Variants in HEXB observed in about 807,000 individuals in gnomAD.
HEXB encodes the protein hexosaminidase subunit beta.
Under a neutral mutation model 71.2 loss-of-function variants are expected in HEXB, and 51 were observed. That is an observed-to-expected ratio of 0.72 (90% confidence interval 0.57 to 0.90). The LOEUF is 0.90. Among genes scored for constraint, HEXB ranks in the 40% least tolerant of loss-of-function variants. The probability of loss-of-function intolerance (pLI) is 0.00; values close to 1 mark genes in which losing one functional copy is unlikely to be tolerated. For missense variants in HEXB, 617 were observed against 677.0 expected, an observed-to-expected ratio of 0.91 and a Z score of 0.98; for synonymous variants, 266 against 249.3, an observed-to-expected ratio of 1.07 and a Z score of -0.63.
At chr5:74,693,096 A>G (rs1244266522) in intron 2 of HEXB, among the ~76,000 whole-genome samples, 1 of 152,204 alleles carries the variant, frequency 6.6e-6, no homozygotes, top group Non-Finnish European at 1.5e-5. Context: ...GATGATACTG[A>G]GGGAAGGTGG....
intron 1 of HEXB, among the ~76,000 whole-genome samples, chr5:74,660,663 C>G (rs1748301654): frequency 6.6e-6 from 1 of 152,212 alleles, no homozygotes; most frequent in Admixed American, 6.5e-5. Flanking sequence ...ATCTGTTCTT[C>G]CTAGCAGCAG....
intron 1 of HEXB, among the ~76,000 whole-genome samples, chr5:74,664,585 TA>T (rs1748400737): frequency 6.6e-6 from 1 of 151,634 alleles, no homozygotes; most frequent in African/African-American, 2.4e-5. Flanking sequence ...AAATGAACTA[TA>T]AAAAAACAAA....
chr5:74,685,458 C>T lies in HEXB; in HGVS notation c.198C>T (p.Thr66=). 6.2e-7 allele frequency: 1 copy of T among 1,611,916 alleles called. No individual in the cohort carries two copies. Among genetic ancestry groups the T allele is most frequent in the South Asian group, 1.1e-5 (1 of 90,872 alleles). ...LWPLPLLVKM[T]PNLLHLAPEN... ...CCCTGCCGCTCTTGGTGAAGATGAC[C>T]CCGAACCTGCTGCATCTCGCCCCGG... The change falls in exon 1 of 14, where the codon ACC becomes ACT. Residue 66 remains threonine, a synonymous_variant. Coordinates refer to ENST00000261416, the MANE Select transcript of HEXB (RefSeq NM_000521.4).
At chr5:74,640,932 GA>G (rs1447031386) in intron 1 of HEXB, 1 of 152,552 alleles carries the variant, frequency 6.6e-6, no homozygotes, top group East Asian at 1.9e-4. Flanking sequence ...GGAAGCGGGA[GA>G]GGGGGGCTGC....
chr5:74,654,359 C>A (rs1748177659), intron 1 of HEXB, among the ~76,000 whole-genome samples: 1 of 152,134 alleles, frequency 6.6e-6, no homozygotes, highest in South Asian at 2.1e-4. Context: ...CACTGCTGGT[C>A]TGCAAAACAC....
Position 74,689,382 on chromosome 5 carries a change from C to T in HEXB, c.354C>T (p.Phe118=), listed in dbSNP as rs755175110. The change falls in exon 2 of 14, where the codon TTC becomes TTT. Residue 118 remains phenylalanine (F), a synonymous_variant. Transcript: ENST00000261416. ...AGTGGCATCATGAACCTGCTGAATT[C>T]CAGGCTAAAACCCAGGTTCAGCAAC... The part of the protein sequence containing the change: ...FYKWHHEPAE[F]QAKTQVQQLL... 5 of 1,612,064 alleles carry T rather than the reference C, an allele frequency of 3.1e-6. No individual in the cohort carries two copies. The Admixed American group carries it at 6.7e-5, about 21-fold the overall frequency.
At chr5:74,679,360 C>T (rs1246826637) in intron 1 of HEXB, among the ~76,000 whole-genome samples, 1 of 152,148 alleles carries the variant, frequency 6.6e-6, no homozygotes, top group African/African-American at 2.4e-5. Context: ...CTTCTTATGC[C>T]ATGGCAGAAA....
chr5:74,659,812 G>A (rs1220113418), intron 1 of HEXB, among the ~76,000 whole-genome samples: 1 of 152,190 alleles, frequency 6.6e-6, no homozygotes, highest in African/African-American at 2.4e-5. Flanking sequence ...GAATTTTGAT[G>A]AGAATAAATG....
At chr5:74,708,078 T>A (rs1749447763) in intron 6 of HEXB, among the ~76,000 whole-genome samples, 1 of 151,998 alleles carries the variant, frequency 6.6e-6, no homozygotes, top group African/African-American at 2.4e-5. Context: ...CCCATCAGAC[T>A]AACAGCGGAT....
At chr5:74,721,055 ATATCTTTATGAATGATATCAATCTAAAT>A (rs1238630015) in intron 13 of HEXB, 35 bp from the exon 14 acceptor site, 77 of 1,282,762 alleles carry the variant, frequency 6.0e-5, no homozygotes, top group Non-Finnish European at 8.1e-5. Flanking sequence ...TCAATCTAAA[ATATCTTTATGAATGATATCAATCTAAAT>A]CAATCTAAAA....
chr5:74,721,235 A>C lies in HEXB; in HGVS notation c.*60A>C. The stretch of plus-strand genomic sequence containing the variant: ...CTACAATCAACTTTATTTTGAAATC[A>C]TGTAAAATAAGATATTAGACTGTTT... On this transcript the variant is annotated 3_prime_UTR_variant, in exon 14 of 14. Coordinates refer to ENST00000261416, the MANE Select transcript of HEXB (RefSeq NM_000521.4). The C allele has an allele frequency of 4.7e-6, 6 of 1,285,966 alleles. No homozygotes were observed. The highest frequency in any genetic ancestry group is 6.8e-6 in the Non-Finnish European group (6 of 882,084). The allele number at this position is 1,285,966 out of a possible 1,614,324, so 79.7% of individuals were successfully genotyped here.
At chr5:74,643,522 A>G (rs971002973) in intron 1 of HEXB, among the ~76,000 whole-genome samples, 2 of 152,228 alleles carry the variant, frequency 1.3e-5, no homozygotes, top group African/African-American at 4.8e-5. Context: ...CCTTGGGAGC[A>G]GGTCTTTGCC....
chr5:74,678,382 A>G (rs1011120100), intron 1 of HEXB, among the ~76,000 whole-genome samples: 5 of 152,050 alleles, frequency 3.3e-5, no homozygotes, highest in Admixed American at 6.5e-5. Context: ...CCAGAAAGAA[A>G]TATGCAGACC....
chr5:74,667,417 C>CA (rs539301554), intron 1 of HEXB, among the ~76,000 whole-genome samples: 6,660 of 146,756 alleles, frequency 0.045, 183 homozygotes, highest in South Asian at 0.078. Context: ...AAAACTCTCT[C>CA]AAAAAAAAAA....
rs59304966 is a variant in HEXB, at chr5:74,661,503, TTCTC to T, written c.-377+20953_-377+20956del. Among the ~76,000 whole-genome samples, 285 of 110,006 alleles carry T rather than the reference TTCTC, an allele frequency of 2.6e-3. 1 individual carries two copies. The highest frequency in any genetic ancestry group is 7.4e-3 in the African/African-American group (258 of 34,678). The allele number at this position is 110,006 out of a possible 152,430, so 72.2% of individuals were successfully genotyped here. On this transcript the variant is annotated intron_variant, in intron 1 of 13. Transcript: ENST00000511181. The stretch of plus-strand genomic sequence containing the variant: ...ACAACAAAGAAGTCATGAATTCATT[TTCTC>T]TCTCTCTGTGTGTGTGTGTGTGTGT...
intron 5 of HEXB, among the ~76,000 whole-genome samples, chr5:74,705,018 G>A (rs1413888653): frequency 1.3e-5 from 2 of 151,618 alleles, no homozygotes; most frequent in African/African-American, 2.4e-5. Flanking sequence ...CTTGAGACTG[G>A]GAGGTCAAGG....
At position 74,720,492 on chromosome 5, in the gene HEXB, T is replaced by C. The variant is rs1241194558; in HGVS notation, c.1482T>C (p.Asp494=). Residue 494 remains aspartate, a synonymous_variant, in exon 12 of 14, where the codon GAT becomes GAC. Coordinates refer to ENST00000261416, the MANE Select transcript of HEXB (RefSeq NM_000521.4). ...GEACLWGEYV[D]ATNLTPRLWP... is the part of the protein sequence containing the mutation. ...CTTGTCTATGGGGAGAATATGTGGA[T>C]GCAACTAACCTCACTCCAAGATTAT... The C allele has an allele frequency of 5.6e-6, 9 of 1,613,570 alleles. No individual in the cohort carries two copies. The highest frequency in any genetic ancestry group is 7.6e-6 in the Non-Finnish European group (9 of 1,179,552).
chr5:74,692,552 A>T (rs1749027267), intron 2 of HEXB, among the ~76,000 whole-genome samples: 2 of 152,220 alleles, frequency 1.3e-5, no homozygotes, highest in Non-Finnish European at 2.9e-5. Flanking sequence ...ATAGCAATAT[A>T]GTTCTTAGCC....
Position 74,699,400 on chromosome 5 carries a change from G to C in HEXB, c.669+2294G>C, listed in dbSNP as rs187584230. Among the ~76,000 whole-genome samples, 888 of 151,692 alleles carry C rather than the reference G, an allele frequency of 5.9e-3. 2 individuals are homozygous for C. The highest frequency in any genetic ancestry group is 0.016 in the Admixed American group (244 of 15,216). On this transcript the variant is annotated intron_variant, in intron 5 of 13. Transcript: ENST00000261416. ...AGCAATTCTCTTGCCTCTGTCTCTCGAGTAGCTGGGATTACAGGTGCCCAC... is the reference window on the plus strand; with the variant it reads ...AGCAATTCTCTTGCCTCTGTCTCTCCAGTAGCTGGGATTACAGGTGCCCAC...
Sources: gnomAD v4.1 joint callset for allele counts (sites outside exome capture counted in the v4.1 genomes callset) on GRCh38, gnomAD v4.1.1 for gene constraint, MANE v1.5 for transcripts, NCBI Gene and HGNC (gene_info 2026-07-23, HGNC 2026-07-21) for gene names.